Variants in SPTB observed in about 807,000 individuals in gnomAD.
SPTB encodes the protein spectrin beta, erythrocytic, also known as spectrin beta chain, erythrocytic.
SPTB carries 45 observed loss-of-function variants against 256.2 expected under a neutral mutation model. That is an observed-to-expected ratio of 0.18 (90% CI 0.14 to 0.23). The LOEUF (loss-of-function observed/expected upper bound fraction) is 0.23. SPTB is among the 10% of genes least tolerant of loss of function. The pLI, the probability that SPTB is intolerant of heterozygous loss-of-function variation, is 1.00. For missense variants in SPTB, 2,715 were observed against 3,040.4 expected, an observed-to-expected ratio of 0.89 and a Z score of 2.52; for synonymous variants, 1,231 against 1,243.1, an observed-to-expected ratio of 0.99 and a Z score of 0.21.
intron 2 of SPTB, among the ~76,000 whole-genome samples, chr14:64,810,404 C>T (rs1438217664): frequency 2.0e-5 from 3 of 152,150 alleles, no homozygotes; most frequent in Non-Finnish European, 4.4e-5. Flanking sequence ...TCAGGCTGGG[C>T]GTGGTGGCTC....
At position 64,852,758 on chromosome 14, in the gene SPTB, G is replaced by C. The variant is rs2083807844; in HGVS notation, c.-52+27034C>G. On this transcript the variant is annotated intron_variant, in intron 1 of 35. Coordinates refer to ENST00000644917, the MANE Select transcript of SPTB (RefSeq NM_001355436.2). This position sits in a 1 kb window ranked among gnomAD's most constrained non-coding sequence, Gnocchi z 4.2. ...AAGGAGGAAGTTTAGCGGGGATAAA[G>C]GATGAGTTCAATGGGTCAGAATTTC... Among the ~76,000 whole-genome samples, 1 of 152,182 alleles carries C rather than the reference G, an allele frequency of 6.6e-6. No homozygotes were observed. Among genetic ancestry groups the C allele is most frequent in the African/African-American group, 2.4e-5 (1 of 41,432 alleles).
intron 1 of SPTB, among the ~76,000 whole-genome samples, chr14:64,868,520 T>A (rs753283638): frequency 3.9e-5 from 6 of 152,192 alleles, no homozygotes; most frequent in African/African-American, 7.2e-5. Context: ...GTGAAGCTGA[T>A]CTGGGACTGA....
rs776388224 is a variant in SPTB, at chr14:64,793,397, T to C, written c.2266A>G (p.Lys756Glu). The C allele has an allele frequency of 3.9e-5, 63 of 1,613,288 alleles. No individual in the cohort carries two copies. Residue 756 changes from lysine to glutamate, a missense_variant, in exon 14 of 36, where the codon AAG becomes GAG. Physicochemically the swap from Lys to Glu is moderately conservative, Grantham distance 56. Transcript: ENST00000644917. The surrounding 1 kb of genome is among the most constrained non-coding windows in gnomAD (Gnocchi z 7.0). ...CGGTGGGCGTCTTGCAGCCAAGCCTTCAGGTCATCCGCATCGCCCTGGAAC... is the reference window on the plus strand; with the variant it reads ...CGGTGGGCGTCTTGCAGCCAAGCCTCCAGGTCATCCGCATCGCCCTGGAAC... ...FQFQGDADDLKAWLQDAHRLL... is the reference protein window; with the variant it reads ...FQFQGDADDLEAWLQDAHRLL...
In SPTB at chr14:64,748,828, T is replaced by G. The variant is rs1054401757; in HGVS notation, c.*478A>C. 5 of 169,088 alleles carry G rather than the reference T, an allele frequency of 3.0e-5. No individual in the cohort carries two copies. Among genetic ancestry groups the G allele is most frequent in the African/African-American group, 9.7e-5 (4 of 41,430 alleles). The allele number at this position is 169,088 out of a possible 1,614,324, so 10.5% of individuals were successfully genotyped here. On this transcript the variant is annotated 3_prime_UTR_variant, in exon 36 of 36. Coordinates refer to ENST00000644917, the MANE Select transcript of SPTB (RefSeq NM_001355436.2). ...GGGCTGGCCATGCATTTCCAGTGTCTTCTTCCTTTCCCCTTTCCCTGGCTG... is the reference window on the plus strand; with the variant it reads ...GGGCTGGCCATGCATTTCCAGTGTCGTCTTCCTTTCCCCTTTCCCTGGCTG...
In SPTB at chr14:64,823,040, T is replaced by G. The variant is rs771406838; in HGVS notation, c.55A>C (p.Ile19Leu). Residue 19 changes from isoleucine to leucine, a missense_variant, in exon 2 of 36, where the codon ATC becomes CTC. By Grantham distance (5) the Ile-to-Leu change is conservative. Around this residue, in one of 4 missense-constraint regions of SPTB, gnomAD observed 58 missense variants for 67.9 expected, o/e 0.85. Transcript: ENST00000644917. The surrounding 1 kb of genome is among the most constrained non-coding windows in gnomAD (Gnocchi z 6.5). ...NVGNQPPYSR[I>L]NARWDAPDDE... ...TCTGGGGCGTCCCAGCGGGCATTGATCCTGCTGTAAGGTGGCTGGTTGCCC... is the reference window on the plus strand; with the variant it reads ...TCTGGGGCGTCCCAGCGGGCATTGAGCCTGCTGTAAGGTGGCTGGTTGCCC... The G allele has an allele frequency of 1.9e-6, 3 of 1,614,036 alleles. No homozygotes were observed. Among genetic ancestry groups the G allele is most frequent in the Non-Finnish European group, 2.5e-6 (3 of 1,180,044 alleles).
chr14:64,757,992 A>G (rs2082038945), intron 32 of SPTB, among the ~76,000 whole-genome samples: 1 of 152,156 alleles, frequency 6.6e-6, no homozygotes, highest in South Asian at 2.1e-4. Context: ...GCCTGGAGTG[A>G]GAGTCCCTGG....
At chr14:64,860,962 C>G (rs901751343) in intron 1 of SPTB, among the ~76,000 whole-genome samples, 1 of 152,106 alleles carries the variant, frequency 6.6e-6, no homozygotes, top group Non-Finnish European at 1.5e-5. Flanking sequence ...AGACATGGAA[C>G]CAACCCAAAT....
chr14:64,749,700 G>A lies in SPTB; in HGVS notation c.6777-4C>T. The A allele has an allele frequency of 1.2e-6, 2 of 1,613,702 alleles. No homozygotes were observed. Among genetic ancestry groups the A allele is most frequent in the Middle Eastern group, 1.7e-4 (1 of 6,060 alleles). On this transcript the variant is annotated splice_polypyrimidine_tract_variant and splice_region_variant and intron_variant, in intron 34 of 35. Coordinates refer to ENST00000644917, the MANE Select transcript of SPTB (RefSeq NM_001355436.2). This position sits in a 1 kb window ranked among gnomAD's most constrained non-coding sequence, Gnocchi z 4.7. ...CCACTCGCTGCCATTACTCAGCCTA[G>A]GAGGACAAAGGGTTTCCTGTCATGG...
At position 64,779,885 on chromosome 14, in the gene SPTB, A is replaced by C; in HGVS notation, c.4313T>G (p.Leu1438Arg). The change falls in exon 21 of 36, where the codon CTG becomes CGG. Residue 1438 changes from leucine to arginine, a missense_variant. Leu to Arg is a moderately radical substitution (Grantham distance 102). Around this residue, in one of 4 missense-constraint regions of SPTB, gnomAD observed 2,239 missense variants for 2,384.4 expected, o/e 0.94. Transcript: ENST00000644917. The surrounding 1 kb of genome is among the most constrained non-coding windows in gnomAD (Gnocchi z 4.2). ...TCCCATTGAAGGCACCTGGGCAAAC[A>C]GCTCCCCCAGCTCCTCTTTTCGCAC... ...VNVRKEELGELFAQVPSMGEE... is the reference protein window; with the variant it reads ...VNVRKEELGERFAQVPSMGEE... The C allele has an allele frequency of 1.2e-6, 2 of 1,613,948 alleles. No homozygotes were observed. Among genetic ancestry groups the C allele is most frequent in the Non-Finnish European group, 1.7e-6 (2 of 1,179,944 alleles).
At chr14:64,810,115 A>C (rs2083060586) in intron 2 of SPTB, among the ~76,000 whole-genome samples, 1 of 152,222 alleles carries the variant, frequency 6.6e-6, no homozygotes, top group African/African-American at 2.4e-5. Context: ...TCTATCAAAG[A>C]ATAGTGTAAA....
In SPTB at chr14:64,783,398, C is replaced by T. The variant is rs535901140; in HGVS notation, c.4003-845G>A. Among the ~76,000 whole-genome samples the T allele has an allele frequency of 2.1e-3, 322 of 152,202 alleles. 1 individual carries two copies. The highest frequency in any genetic ancestry group is 3.4e-3 in the Non-Finnish European group (233 of 68,000). ...TGTATTTTTAGTAGAGATGGGATTT[C>T]GCCATGTTGGCTAGGCTGGTCTCGA... On this transcript the variant is annotated intron_variant, in intron 19 of 35. Coordinates refer to ENST00000644917, the MANE Select transcript of SPTB (RefSeq NM_001355436.2).
At chr14:64,849,670 G>A (rs911269263) in intron 1 of SPTB, among the ~76,000 whole-genome samples, 16 of 152,180 alleles carry the variant, frequency 1.1e-4, no homozygotes, top group African/African-American at 3.9e-4. Context: ...TCACTGAGAT[G>A]AGGGCCATTC....
chr14:64,765,906 TG>T (rs1029371501), intron 32 of SPTB, among the ~76,000 whole-genome samples: 1 of 147,126 alleles, frequency 6.8e-6, no homozygotes, highest in Non-Finnish European at 1.5e-5. Flanking sequence ...TGTGTGTGTG[TG>T]GGGGTGTGGT....
chr14:64,762,000 C>G (rs537011530), intron 32 of SPTB, among the ~76,000 whole-genome samples: 1 of 152,220 alleles, frequency 6.6e-6, no homozygotes, highest in South Asian at 2.1e-4. Context: ...GTCGTCAGAA[C>G]AGAGGGGCCA....
At chr14:64,766,156 G>C (rs2082176268) in intron 32 of SPTB, among the ~76,000 whole-genome samples, 1 of 148,864 alleles carries the variant, frequency 6.7e-6, no homozygotes, top group Non-Finnish European at 1.5e-5. Context: ...GGTGTGGTGT[G>C]TTTGTGTGTA....
At position 64,793,995 on chromosome 14, in the gene SPTB, G is replaced by T; in HGVS notation, c.1796-128C>A. On this transcript the variant is annotated intron_variant, in intron 13 of 35. Coordinates refer to ENST00000644917, the MANE Select transcript of SPTB (RefSeq NM_001355436.2). This position sits in a 1 kb window ranked among gnomAD's most constrained non-coding sequence, Gnocchi z 7.0. ...CCATGTCACTGGGGCTTTGGGGTTGGATGCAGGGGGGTCCCAGTTGCTCAG... is the reference window on the plus strand; with the variant it reads ...CCATGTCACTGGGGCTTTGGGGTTGTATGCAGGGGGGTCCCAGTTGCTCAG... 1 of 803,752 alleles carries T rather than the reference G, an allele frequency of 1.2e-6. No homozygotes were observed. Among genetic ancestry groups the T allele is most frequent in the Non-Finnish European group, 1.9e-6 (1 of 522,156 alleles). The allele number at this position is 803,752 out of a possible 1,614,324, so 49.8% of individuals were successfully genotyped here.
rs17180350 is a variant in SPTB at position 64,782,348 on chromosome 14, C to A, written c.4208G>T (p.Arg1403Leu). 12 of 1,614,036 alleles carry A rather than the reference C, an allele frequency of 7.4e-6. No homozygotes were observed. The highest frequency in any genetic ancestry group is 5.5e-5 in the South Asian group (5 of 91,092). Residue 1403 changes from arginine to leucine, a missense_variant, in exon 20 of 36, where the codon CGG (arginine) becomes CTG (leucine). Transcript: ENST00000644917. ...CAGGTCCTTGCCCGGGTCGTCTGAC[C>A]GCAGCTGGTCCTCCATGGCGCTGAT... Reference protein sequence around the residue: ...KWISAMEDQLRSDDPGKDLTS... With the variant: ...KWISAMEDQLLSDDPGKDLTS...
At chr14:64,757,943 C>G (rs1258573609) in intron 32 of SPTB, among the ~76,000 whole-genome samples, 4 of 152,194 alleles carry the variant, frequency 2.6e-5, no homozygotes, top group Non-Finnish European at 4.4e-5. Context: ...AGAGGGCCTC[C>G]TGAGAAGCCC....
chr14:64,775,100 G>C lies in SPTB; in HGVS notation c.4842+25C>G, dbSNP rs777819799. On this transcript the variant is annotated intron_variant, in intron 23 of 35. Transcript: ENST00000644917. The surrounding 1 kb of genome is among the most constrained non-coding windows in gnomAD (Gnocchi z 5.0). ...TCTTCCTCTCTGCCTGGGCACCCTG[G>C]CTGGTATCCCCTGCCCGAACAGACC... 1 of 1,613,770 alleles carries C rather than the reference G, an allele frequency of 6.2e-7. No homozygotes were observed. The highest frequency in any genetic ancestry group is 8.5e-7 in the Non-Finnish European group (1 of 1,180,020).
Sources: gnomAD v4.1 joint callset for allele counts (sites outside exome capture counted in the v4.1 genomes callset) on GRCh38, gnomAD v4.1.1 for gene constraint, gnomAD v4.1.1 regional missense constraint, Gnocchi (gnomAD v3.1) non-coding constraint, MANE v1.5 for transcripts, NCBI Gene and HGNC (gene_info 2026-07-23, HGNC 2026-07-21) for gene names.